The following SNRPD2 variants were observed in gnomAD, a reference collection of about 807,000 sequenced individuals.
The protein encoded by SNRPD2 is small nuclear ribonucleoprotein D2 polypeptide.
Under a neutral mutation model 11.5 loss-of-function variants are expected in SNRPD2, and 1 was observed. That is an observed-to-expected ratio of 0.09 (90% confidence interval 0.03 to 0.41). The LOEUF (loss-of-function observed/expected upper bound fraction) is 0.41. Ranked by LOEUF, SNRPD2 falls within the 10% of genes least tolerant of loss-of-function variation. SNRPD2 has a pLI of 0.98. For synonymous variants in SNRPD2, 63 were observed against 61.5 expected (o/e 1.02, Z -0.12); for missense variants, 77 against 154.9 (o/e 0.50, Z 2.67).
At chr19:45,692,007 C>G, upstream of SNRPD2, 2 of 1,609,000 alleles carry the variant, frequency 1.2e-6, no homozygotes, top group East Asian at 4.5e-5. Context: ...GCAAAGCCAA[C>G]CAGTAAGTGG....
In SNRPD2 at chr19:45,687,643, T is replaced by C. The variant is rs1274373076; in HGVS notation, c.267A>G (p.Pro89=). Residue 89 remains proline (P), a synonymous_variant, in exon 3 of 3, where the codon CCA becomes CCG. Coordinates refer to ENST00000342669, the MANE Select transcript of SNRPD2 (RefSeq NM_001384647.1). This position sits in a 1 kb window ranked among gnomAD's most constrained non-coding sequence, Gnocchi z 4.1. ...KSGKGKKKSK[P]VNKDRYISKM... is the part of the protein sequence containing the mutation. ...TGGAGATGTAGCGGTCTTTGTTGAC[T>C]GGCTTGGACTTCTTCTTGCCCTTGC... 9 of 1,614,022 alleles carry C rather than the reference T, an allele frequency of 5.6e-6. No homozygotes were observed. In the African/African-American group the frequency reaches 1.2e-4, roughly 22 times the overall value.
intron 1 of SNRPD2, among the ~76,000 whole-genome samples, chr19:45,690,843 A>AG (rs1221077775): frequency 6.6e-6 from 1 of 151,994 alleles, no homozygotes; most frequent in African/African-American, 2.4e-5. Flanking sequence ...AAAAAAAAAA[A>AG]AAAAAGAAAA....
At position 45,691,931 on chromosome 19, in the gene SNRPD2, T is replaced by A. The variant is rs1967572391; in HGVS notation, c.-43A>T. On this transcript the variant is annotated 5_prime_UTR_variant, in exon 1 of 3. Coordinates refer to ENST00000342669, the MANE Select transcript of SNRPD2 (RefSeq NM_001384647.1). ...CCGTTCACTCCCGTTTCCTCCGCGT[T>A]GCTGCTGCCTGAGGAGAGAGAGGCG... 8 of 1,614,000 alleles carry A rather than the reference T, an allele frequency of 5.0e-6. No homozygotes were observed. The East Asian group carries it at 1.6e-4, about 31-fold the overall frequency.
rs146257026 is a variant in SNRPD2 at position 45,688,401 on chromosome 19, C to G, written c.168G>C (p.Val56=). ...CRNNKKLLGR[V]KAFDRHCNMV... ...CCAGCACTCACCTATCGAAGGCCTT[C>G]ACGCGGCCCAGGAGTTTCTTATTGT... is the stretch of plus-strand genomic sequence containing the variant. The change falls in exon 2 of 3, where the codon GTG becomes GTC. Residue 56 remains valine, a synonymous_variant. Coordinates refer to ENST00000342669, the MANE Select transcript of SNRPD2 (RefSeq NM_001384647.1). This position sits in a 1 kb window ranked among gnomAD's most constrained non-coding sequence, Gnocchi z 4.1. 3.7e-6 allele frequency: 6 copies of G among 1,614,070 alleles called. No homozygotes were observed. In the African/African-American group the frequency reaches 8.0e-5, roughly 22 times the overall value.
intron 1 of SNRPD2, 85 bp downstream of exon 1, chr19:45,691,802 G>A (rs1032751132): frequency 7.4e-5 from 102 of 1,371,252 alleles, no homozygotes; most frequent in Non-Finnish European, 1.0e-4. Flanking sequence ...TGCCCCCCCC[G>A]CTCTGCTCAA....
upstream of SNRPD2, chr19:45,692,296 C>T (rs1568535697): frequency 2.7e-6 from 1 of 369,274 alleles, no homozygotes; most frequent in Non-Finnish European, 5.1e-6. Context: ...CAGGCACCGC[C>T]CCTCTTCCCT....
intron 1 of SNRPD2, chr19:45,691,323 G>C (rs1555778296): frequency 6.6e-6 from 1 of 152,386 alleles, no homozygotes; most frequent in Non-Finnish European, 1.5e-5. Context: ...TAGAGACGGG[G>C]TTTCACCACA....
At chr19:45,692,091 C>G (rs546788298), upstream of SNRPD2, 2 of 1,432,914 alleles carry the variant, frequency 1.4e-6, no homozygotes, top group South Asian at 2.7e-5. Context: ...GGTAGGGGTT[C>G]GCGGCCAGTC....
intron 1 of SNRPD2, among the ~76,000 whole-genome samples, chr19:45,690,374 G>A (rs1967506873): frequency 6.7e-6 from 1 of 150,074 alleles, no homozygotes; most frequent in African/African-American, 2.4e-5. Context: ...GGTGGCGCAT[G>A]CTTGTAATCC....
intron 1 of SNRPD2, chr19:45,691,563 G>T (rs1568535156): frequency 3.1e-6 from 1 of 324,200 alleles, no homozygotes; most frequent in Non-Finnish European, 5.7e-6. Context: ...TAGAGACGGG[G>T]GTCTCGCTAT....
chr19:45,688,611 T>G lies in SNRPD2; in HGVS notation c.3-45A>C, dbSNP rs930817947. 1 of 1,528,310 alleles carries G rather than the reference T, an allele frequency of 6.5e-7. No individual in the cohort carries two copies. Among genetic ancestry groups the G allele is most frequent in the African/African-American group, 1.4e-5 (1 of 73,350 alleles). The allele number at this position is 1,528,310 out of a possible 1,614,324, so 94.7% of individuals were successfully genotyped here. A position where few individuals can be genotyped will look rare whatever the true frequency, so the allele number is the denominator to read the frequency against. On this transcript the variant is annotated intron_variant, in intron 1 of 2. Transcript: ENST00000342669. This position sits in a 1 kb window ranked among gnomAD's most constrained non-coding sequence, Gnocchi z 4.1. ...ACCAATAAGTGAGAGAGGCTGGAGTTGAGAGGCTGGAGCTGTGAGGATGGG... is the reference window on the plus strand; with the variant it reads ...ACCAATAAGTGAGAGAGGCTGGAGTGGAGAGGCTGGAGCTGTGAGGATGGG...
chr19:45,692,183 T>TCAA, upstream of SNRPD2: 2 of 562,932 alleles, frequency 3.6e-6, no homozygotes, highest in South Asian at 4.5e-5. Context: ...TGAAGAATGG[T>TCAA]ACAGGTTGAA....
At chr19:45,691,154 G>A (rs992288643) in intron 1 of SNRPD2, among the ~76,000 whole-genome samples, 7 of 152,102 alleles carry the variant, frequency 4.6e-5, no homozygotes, top group African/African-American at 1.7e-4. Flanking sequence ...TTTTGAGATG[G>A]AGTCTTACTC....
intron 1 of SNRPD2, chr19:45,689,403 C>T: frequency 2.5e-6 from 1 of 400,128 alleles, no homozygotes; most frequent in Non-Finnish European, 5.0e-6. Flanking sequence ...TACAGTGGCT[C>T]ATGCCTGTAA....
At chr19:45,690,547 C>T (rs1967512922) in intron 1 of SNRPD2, 1 of 150,980 alleles carries the variant, frequency 6.6e-6, no homozygotes, top group East Asian at 2.0e-4. Context: ...AAAGTAAAAC[C>T]CCGACCAGAC....
chr19:45,690,463 T>A (rs1967509616), intron 1 of SNRPD2: 2 of 150,320 alleles, frequency 1.3e-5, no homozygotes, highest in Admixed American at 6.7e-5. Context: ...CCAATCTGGG[T>A]GACAGAGCGA....
chr19:45,689,736 G>C (rs901621978), intron 1 of SNRPD2, among the ~76,000 whole-genome samples: 2 of 151,866 alleles, frequency 1.3e-5, no homozygotes, highest in African/African-American at 4.8e-5. Flanking sequence ...ATACAAATTA[G>C]AAAATACAAA....
intron 1 of SNRPD2, chr19:45,690,511 C>G (rs912965435): frequency 2.6e-5 from 4 of 151,698 alleles, no homozygotes; most frequent in Non-Finnish European, 4.4e-5. Context: ...AGAAAACCCT[C>G]CCATCCTCCC....
chr19:45,687,817 G>C lies in SNRPD2; in HGVS notation c.183-90C>G. 1 of 1,085,274 alleles carries C rather than the reference G, an allele frequency of 9.2e-7. No individual in the cohort carries two copies. The highest frequency in any genetic ancestry group is 1.4e-6 in the Non-Finnish European group (1 of 727,992). The allele number at this position is 1,085,274 out of a possible 1,614,324, so 67.2% of individuals were successfully genotyped here. A position where few individuals can be genotyped will look rare whatever the true frequency, so the allele number is the denominator to read the frequency against. On this transcript the variant is annotated intron_variant, in intron 2 of 2. Transcript: ENST00000342669. The surrounding 1 kb of genome is among the most constrained non-coding windows in gnomAD (Gnocchi z 4.1). ...TGCCTGCTGCTCGCCCCCTCCAGCA[G>C]CATGGCTTGGGGAAGGGTGCAGGTG...
Sources: gnomAD v4.1 joint callset for allele counts (sites outside exome capture counted in the v4.1 genomes callset) on GRCh38, gnomAD v4.1.1 for gene constraint, Gnocchi (gnomAD v3.1) non-coding constraint, MANE v1.5 for transcripts, NCBI Gene and HGNC (gene_info 2026-07-23, HGNC 2026-07-21) for gene names.